RXRA: variants seen among roughly 807,000 people sequenced by gnomAD.
The protein encoded by RXRA is retinoic acid receptor RXR-alpha.
Under a neutral mutation model 44.5 loss-of-function variants are expected in RXRA, and 5 were observed. The observed-to-expected ratio is 0.11, with a 90% confidence interval of 0.06 to 0.24. The LOEUF is 0.24. Ranked by LOEUF, RXRA falls within the 10% of genes least tolerant of loss-of-function variation. RXRA has a pLI of 1.00. For missense variants in RXRA, 412 were observed against 646.5 expected (o/e 0.64, Z 3.93); for synonymous variants, 291 against 271.4 (o/e 1.07, Z -0.71).
intron 1 of RXRA, among the ~76,000 whole-genome samples, chr9:134,331,232 G>T (rs539539585): frequency 1.3e-5 from 2 of 152,234 alleles, no homozygotes; most frequent in Non-Finnish European, 2.9e-5. Context: ...ACCCGAGCCT[G>T]GTGCGAGATG....
In RXRA at chr9:134,428,215, C is replaced by T. The variant is rs1449672628; in HGVS notation, c.911-893C>T. The stretch of plus-strand genomic sequence containing the variant: ...GAGAGGCTGCTGTTACCTAACCACC[C>T]GCCCCAGGGAACCCCCACTGTGTTG... On this transcript the variant is annotated intron_variant, in intron 6 of 9. Transcript: ENST00000481739. 9.4e-5 allele frequency among the ~76,000 whole-genome samples: 14 copies of T among 149,364 alleles called. No homozygotes were observed. The South Asian group carries it at 1.3e-3, about 14-fold the overall frequency.
At chr9:134,352,600 T>A (rs114712427) in intron 1 of RXRA, among the ~76,000 whole-genome samples, 1,707 of 152,136 alleles carry the variant, frequency 0.011, 29 homozygotes, top group African/African-American at 0.038. Context: ...TTTCCTTTGG[T>A]GGGACTGAAG....
In RXRA at chr9:134,360,018, G is replaced by A. The variant is rs775898607; in HGVS notation, c.28+33359G>A. Among the ~76,000 whole-genome samples, 7 of 152,348 alleles carry A rather than the reference G, an allele frequency of 4.6e-5. No homozygotes were observed. In the South Asian group the frequency reaches 1.4e-3, roughly 32 times the overall value. ...GGCTAGGGGTGTGTAGGACCGGGCG[G>A]GGAATGGAGCGGTAACCGGAGGGTG... On this transcript the variant is annotated intron_variant, in intron 1 of 9. Transcript: ENST00000481739.
In RXRA at chr9:134,377,480, C is replaced by T. The variant is rs139773803; in HGVS notation, c.29-24152C>T. On this transcript the variant is annotated intron_variant, in intron 1 of 9. Transcript: ENST00000481739. Reference sequence around the variant, plus strand: ...TCAGCCCTGCGTGTGCTGGCATCACCGCTCGGGAAGGCATGCGTGTCCTTC... The same window carrying T: ...TCAGCCCTGCGTGTGCTGGCATCACTGCTCGGGAAGGCATGCGTGTCCTTC... 1.3e-3 allele frequency among the ~76,000 whole-genome samples: 195 copies of T among 152,278 alleles called. 1 individual carries two copies. The highest frequency in any genetic ancestry group is 3.9e-3 in the African/African-American group (163 of 41,560).
rs550421169 is a variant in RXRA, at chr9:134,401,502, C to T, written c.29-130C>T. On this transcript the variant is annotated intron_variant, in intron 1 of 9. Transcript: ENST00000481739. ...ATTTGCGTCAGAGAGCTGTCGAGAC[C>T]CACGGGGCCACCTTGAGGGTGCCGG... is the stretch of plus-strand genomic sequence containing the variant. 1.4e-5 allele frequency: 20 copies of T among 1,463,550 alleles called. No individual in the cohort carries two copies. In the East Asian group the frequency reaches 4.3e-4, roughly 32 times the overall value. 90.7% of individuals were successfully genotyped at this position (1,463,550 alleles called of 1,614,324 possible). A position where few individuals can be genotyped will look rare whatever the true frequency, so the allele number is the denominator to read the frequency against.
At chr9:134,379,930 G>C in intron 1 of RXRA, 1 of 985,318 alleles carries the variant, frequency 1.0e-6, no homozygotes, top group South Asian at 4.7e-5. Context: ...CTGGGTCTGA[G>C]ACTCTGGCCT....
intron 1 of RXRA, among the ~76,000 whole-genome samples, chr9:134,334,844 C>T (rs1386949017): frequency 1.3e-5 from 2 of 152,204 alleles, no homozygotes; most frequent in African/African-American, 2.4e-5. Context: ...TCCAGGAAGC[C>T]GTGGGCTCTG....
At chr9:134,434,536 C>T (rs34718924) in intron 9 of RXRA, among the ~76,000 whole-genome samples, 3,313 of 152,304 alleles carry the variant, frequency 0.022, 66 homozygotes, top group Admixed American at 0.049. Flanking sequence ...AGAGGCCAGG[C>T]GACACCAGCA....
intron 6 of RXRA, among the ~76,000 whole-genome samples, chr9:134,428,859 C>T (rs960420569): frequency 4.6e-5 from 7 of 152,216 alleles, no homozygotes; most frequent in Admixed American, 2.0e-4. Flanking sequence ...TTTGTGAGCT[C>T]CCGGGTTCCA....
At chr9:134,434,706 C>T (rs1831587175) in intron 9 of RXRA, among the ~76,000 whole-genome samples, 1 of 152,270 alleles carries the variant, frequency 6.6e-6, no homozygotes, top group Non-Finnish European at 1.5e-5. Flanking sequence ...GCTGGGGCTC[C>T]CTCATTTCTG....
Position 134,343,291 on chromosome 9 carries a change from T to C in RXRA, c.28+16632T>C, listed in dbSNP as rs915120737. Among the ~76,000 whole-genome samples the C allele has an allele frequency of 3.0e-4, 45 of 152,276 alleles. No individual in the cohort carries two copies. The highest frequency in any genetic ancestry group is 9.9e-4 in the African/African-American group (41 of 41,560). On this transcript the variant is annotated intron_variant, in intron 1 of 9. Coordinates refer to ENST00000481739, the MANE Select transcript of RXRA (RefSeq NM_002957.6). The surrounding 1 kb of genome is among the most constrained non-coding windows in gnomAD (Gnocchi z 4.1). ...TGAGGGTTGACTGAAGTAAGGCCTG[T>C]CCTTCAGTTCTTGCCTGGGAGCAGG...
chr9:134,386,792 A>G, intron 1 of RXRA, among the ~76,000 whole-genome samples: 1 of 152,128 alleles, frequency 6.6e-6, no homozygotes. Flanking sequence ...TCCAGAAGAA[A>G]GACCTGGGCT....
chr9:134,430,133 A>T (rs4515623), intron 7 of RXRA, among the ~76,000 whole-genome samples: 3,013 of 152,002 alleles, frequency 0.02, 38 homozygotes, highest in Non-Finnish European at 0.028. Flanking sequence ...TGATCCGCCC[A>T]CCTCGGCCTC....
At chr9:134,333,349 C>T (rs1222313017) in intron 1 of RXRA, among the ~76,000 whole-genome samples, 1 of 152,172 alleles carries the variant, frequency 6.6e-6, no homozygotes, top group African/African-American at 2.4e-5. Context: ...TGGGGTGACC[C>T]AGAGGCCGTG....
At chr9:134,377,385 T>C (rs1356901238) in intron 1 of RXRA, among the ~76,000 whole-genome samples, 1 of 152,158 alleles carries the variant, frequency 6.6e-6, no homozygotes, top group Non-Finnish European at 1.5e-5. Context: ...GCCTGGAGCA[T>C]GGGAGGCCCA....
chr9:134,401,850 C>A lies in RXRA; in HGVS notation c.247C>A (p.Pro83Thr), dbSNP rs759211689. ...CCACTCCATGTCGGTGCCCACCACA[C>A]CCACCCTGGGCTTCAGCACTGGCAG... ...GPHSMSVPTTPTLGFSTGSPQ... is the reference protein window; with the variant it reads ...GPHSMSVPTTTTLGFSTGSPQ... The change falls in exon 2 of 10, where the codon CCC becomes ACC. Residue 83 changes from proline (P) to threonine (T), a missense_variant. Pro to Thr is a conservative substitution (Grantham distance 38). Transcript: ENST00000481739. 1 of 1,611,812 alleles carries A rather than the reference C, an allele frequency of 6.2e-7. No individual in the cohort carries two copies. The highest frequency in any genetic ancestry group is 1.3e-5 in the African/African-American group (1 of 75,018).
rs1302314666 is a variant in RXRA, at chr9:134,437,418, C to G, written c.*804C>G. ...TTCAGACCAGAGTGCCCCGGCCCCT[C>G]CCCAGCCTGAGTCTTCTCCTTGCTC... is the stretch of plus-strand genomic sequence containing the variant. On this transcript the variant is annotated 3_prime_UTR_variant, in exon 10 of 10. Coordinates refer to ENST00000481739, the MANE Select transcript of RXRA (RefSeq NM_002957.6). 6.6e-6 allele frequency: 1 copy of G among 152,606 alleles called. No homozygotes were observed. Among genetic ancestry groups the G allele is most frequent in the African/African-American group, 2.4e-5 (1 of 41,462 alleles). 9.5% of individuals were successfully genotyped at this position (152,606 alleles called of 1,614,324 possible).
intron 1 of RXRA, among the ~76,000 whole-genome samples, chr9:134,399,901 C>T (rs1286727650): frequency 2.0e-5 from 3 of 152,174 alleles, no homozygotes; most frequent in Admixed American, 6.5e-5. Context: ...CACCTTCCTC[C>T]CTGGGAGAGG....
chr9:134,401,382 T>C, intron 1 of RXRA: 5 of 562,808 alleles, frequency 8.9e-6, no homozygotes, highest in South Asian at 6.4e-5. Flanking sequence ...GGGTTCTTCC[T>C]GCGTCTGCCG....
Sources: allele counts gnomAD v4.1 joint callset (sites outside exome capture counted in the v4.1 genomes callset), GRCh38; gene constraint gnomAD v4.1.1; non-coding constraint Gnocchi (gnomAD v3.1); transcripts MANE v1.5; gene names NCBI Gene and HGNC (gene_info 2026-07-23, HGNC 2026-07-21).